NR2C1: variants seen among roughly 807,000 people sequenced by gnomAD.
NR2C1 encodes nuclear receptor subfamily 2 group C member 1, also known as TR2 nuclear hormone receptor.
Under a neutral mutation model 74.8 loss-of-function variants are expected in NR2C1, and 33 were observed. The observed-to-expected ratio is 0.44, with a 90% CI of 0.33 to 0.59. The LOEUF (loss-of-function observed/expected upper bound fraction) is 0.59, where lower values mean the gene tolerates loss of function less well. Ranked by LOEUF, NR2C1 falls within the 20% of genes least tolerant of loss-of-function variation. NR2C1 has a pLI of 0.02. For missense variants in NR2C1, 568 were observed against 715.6 expected (o/e 0.79, Z 2.35); for synonymous variants, 225 against 240.6 (o/e 0.94, Z 0.60).
At chr12:95,039,118 TA>T (rs34265699) in intron 10 of NR2C1, among the ~76,000 whole-genome samples, 1 of 152,118 alleles carries the variant, frequency 6.6e-6, no homozygotes, top group East Asian at 1.9e-4. Context: ...AATTGAATGT[TA>T]AAAAAGGACT....
At chr12:95,024,245 C>A (rs920394829) in intron 13 of NR2C1, among the ~76,000 whole-genome samples, 2 of 152,166 alleles carry the variant, frequency 1.3e-5, no homozygotes, top group African/African-American at 4.8e-5. Context: ...AACAAACACA[C>A]TTATATAGCC....
chr12:95,041,660 A>G (rs910928626), intron 9 of NR2C1, among the ~76,000 whole-genome samples: 2 of 152,218 alleles, frequency 1.3e-5, no homozygotes, highest in African/African-American at 4.8e-5. Flanking sequence ...TACTGAAATG[A>G]CCAATAGTAT....
chr12:95,041,480 TCAAAA>T (rs895322012), intron 9 of NR2C1, among the ~76,000 whole-genome samples: 2 of 151,658 alleles, frequency 1.3e-5, no homozygotes, highest in Non-Finnish European at 2.9e-5. Flanking sequence ...AGACTCCATC[TCAAAA>T]CAAAACAAAA....
intron 7 of NR2C1, 115 bp from the exon 8 acceptor site, chr12:95,052,058 C>G (rs1873085981): frequency 1.6e-6 from 1 of 617,154 alleles, no homozygotes; most frequent in Non-Finnish European, 2.5e-6. Context: ...ATAAATGAAA[C>G]CTGGAAAGTT....
chr12:95,054,649 A>G (rs1271878103), intron 7 of NR2C1, among the ~76,000 whole-genome samples: 1 of 152,212 alleles, frequency 6.6e-6, no homozygotes, highest in East Asian at 1.9e-4. Flanking sequence ...CTTATATTTG[A>G]ATAAAAAGTA....
intron 7 of NR2C1, 27 bp from the exon 8 acceptor site, chr12:95,051,970 T>G: frequency 6.8e-7 from 1 of 1,462,500 alleles, no homozygotes. Context: ...ATTAAAATTC[T>G]GTGAATTGGT....
intron 13 of NR2C1, 96 bp from the exon 14 acceptor site, chr12:95,022,499 T>A: frequency 2.1e-6 from 2 of 968,852 alleles, no homozygotes; most frequent in Non-Finnish European, 3.1e-6. Flanking sequence ...TGGCCTAATT[T>A]AATAAAGATA....
chr12:95,043,179 T>G (rs1871818769), intron 9 of NR2C1, among the ~76,000 whole-genome samples: 1 of 152,222 alleles, frequency 6.6e-6, no homozygotes, highest in Admixed American at 6.5e-5. Flanking sequence ...AAGGATCCCT[T>G]TAGCCCAGGA....
intron 9 of NR2C1, among the ~76,000 whole-genome samples, chr12:95,046,264 T>C (rs1872300860): frequency 6.6e-6 from 1 of 152,190 alleles, no homozygotes; most frequent in Admixed American, 6.5e-5. Flanking sequence ...TCTCTACATC[T>C]CTTTCTTCAT....
At chr12:95,032,474 A>T (rs1353585223) in intron 10 of NR2C1, among the ~76,000 whole-genome samples, 3 of 151,898 alleles carry the variant, frequency 2.0e-5, no homozygotes, top group African/African-American at 4.8e-5. Context: ...AAAAAGGAAA[A>T]AAAAAAAGAC....
intron 1 of NR2C1, chr12:95,072,884 AAAGCAC>A (rs1876918895): frequency 6.6e-6 from 1 of 152,266 alleles, no homozygotes; most frequent in Admixed American, 6.5e-5. Context: ...CCGTCCCGTG[AAAGCAC>A]GGGAGTTAGT....
chr12:95,030,688 G>A, intron 11 of NR2C1: 2 of 1,603,276 alleles, frequency 1.2e-6, no homozygotes, highest in Non-Finnish European at 1.7e-6. Context: ...ATAAGAAATA[G>A]AATATGCTAA....
intron 9 of NR2C1, among the ~76,000 whole-genome samples, chr12:95,045,681 T>G (rs1872223867): frequency 6.6e-6 from 1 of 152,108 alleles, no homozygotes; most frequent in South Asian, 2.1e-4. Flanking sequence ...AATAAGTATA[T>G]GCAATTTCCA....
chr12:95,069,624 A>G (rs1307203303), intron 1 of NR2C1, among the ~76,000 whole-genome samples: 2 of 152,234 alleles, frequency 1.3e-5, no homozygotes, highest in East Asian at 3.8e-4. Flanking sequence ...TGCTTTTCTC[A>G]GAACACATCC....
chr12:95,040,362 A>G (rs1209725151), intron 10 of NR2C1, 114 bp downstream of exon 10: 9 of 969,544 alleles, frequency 9.3e-6, no homozygotes, highest in Non-Finnish European at 1.0e-5. Flanking sequence ...ACTTAAAGCT[A>G]TAATGTTATA....
rs529732089 is a variant in NR2C1, at chr12:95,041,521, TA to T, written c.1132-925del. Among the ~76,000 whole-genome samples the T allele has an allele frequency of 3.1e-3, 455 of 148,948 alleles. 1 individual carries two copies. Among genetic ancestry groups the T allele is most frequent in the African/African-American group, 0.01 (418 of 40,650 alleles). On this transcript the variant is annotated intron_variant, in intron 9 of 13. Coordinates refer to ENST00000333003, the MANE Select transcript of NR2C1 (RefSeq NM_003297.4). ...CAAAAAAACCCAAACTGGCACTAAATAAAAAAAAAATGTTTTAAAAATTACA... is the reference window on the plus strand; with the variant it reads ...CAAAAAAACCCAAACTGGCACTAAATAAAAAAAAATGTTTTAAAAATTACA...
intron 1 of NR2C1, among the ~76,000 whole-genome samples, chr12:95,067,878 CTTTTTTTTTTT>C (rs35730526): frequency 1.8e-5 from 2 of 110,026 alleles, no homozygotes; most frequent in African/African-American, 3.2e-5. Context: ...CTCCATGTAT[CTTTTTTTTTTT>C]TTTTTTTTTG....
At chr12:95,046,863 T>A (rs950434511) in intron 9 of NR2C1, among the ~76,000 whole-genome samples, 2 of 152,116 alleles carry the variant, frequency 1.3e-5, no homozygotes, top group Admixed American at 6.5e-5. Context: ...AACATTTGAC[T>A]TCACAAGGCT....
At chr12:95,041,875 A>G (rs1018043792) in intron 9 of NR2C1, among the ~76,000 whole-genome samples, 1 of 152,252 alleles carries the variant, frequency 6.6e-6, no homozygotes, top group Non-Finnish European at 1.5e-5. Context: ...ACATCTAACA[A>G]TGAAATTAAA....
Sources: gnomAD v4.1 joint callset for allele counts (sites outside exome capture counted in the v4.1 genomes callset) on GRCh38, gnomAD v4.1.1 for gene constraint, MANE v1.5 for transcripts, NCBI Gene and HGNC (gene_info 2026-07-23, HGNC 2026-07-21) for gene names.